The following DIP2A variants were observed in gnomAD, a reference collection of about 807,000 sequenced individuals.
The protein encoded by DIP2A is DIP2 acetate--CoA ligase A.
Under a neutral mutation model 177.4 loss-of-function variants are expected in DIP2A, and 85 were observed. That is an observed-to-expected ratio of 0.48 (90% CI 0.40 to 0.57). The LOEUF is 0.57. Ranked by LOEUF, DIP2A falls within the 20% of genes least tolerant of loss-of-function variation. DIP2A has a pLI of 0.00. For missense variants in DIP2A, 1,791 were observed against 2,100.2 expected (o/e 0.85, Z 2.88); for synonymous variants, 886 against 881.8 (o/e 1.00, Z -0.08).
At chr21:46,560,871 C>T (rs2060639875) in intron 33 of DIP2A, 88 bp downstream of exon 33, 16 of 1,527,782 alleles carry the variant, frequency 1.0e-5, no homozygotes, top group South Asian at 8.4e-5. Flanking sequence ...ACCCCCGGGA[C>T]CCAGGCATTA....
In DIP2A at chr21:46,532,309, T is replaced by G. The variant is rs906678486; in HGVS notation, c.1305+72T>G. On this transcript the variant is annotated intron_variant, in intron 10 of 37. Coordinates refer to ENST00000417564, the MANE Select transcript of DIP2A (RefSeq NM_015151.4). Reference sequence around the variant, plus strand: ...GATACCAGCAGTATCTTACTTCCTTTTCACTCATGTGGGCAGGCAGCAAGC... The same window carrying G: ...GATACCAGCAGTATCTTACTTCCTTGTCACTCATGTGGGCAGGCAGCAAGC... The G allele has an allele frequency of 4.0e-6, 5 of 1,256,168 alleles. No homozygotes were observed. The African/African-American group carries it at 7.4e-5, about 19-fold the overall frequency. 77.8% of individuals were successfully genotyped at this position (1,256,168 alleles called of 1,614,324 possible). A position where few individuals can be genotyped will look rare whatever the true frequency, so the allele number is the denominator to read the frequency against.
At chr21:46,558,163 C>A in intron 31 of DIP2A, 60 bp from the exon 32 acceptor site, 2 of 1,529,972 alleles carry the variant, frequency 1.3e-6, no homozygotes, top group Non-Finnish European at 1.8e-6. Context: ...AAAACAGTGC[C>A]CAGGGCCCTG....
Position 46,545,217 on chromosome 21 carries a change from A to G in DIP2A, c.2257A>G (p.Ser753Gly). 3 of 1,610,094 alleles carry G rather than the reference A, an allele frequency of 1.9e-6. No homozygotes were observed. Among genetic ancestry groups the G allele is most frequent in the Non-Finnish European group, 2.5e-6 (3 of 1,176,654 alleles). Residue 753 changes from serine to glycine, a missense_variant, in exon 19 of 38, where the codon AGT (serine) becomes GGT (glycine). Transcript: ENST00000417564. Reference sequence around the variant, plus strand: ...AGTGGGAGAAATATGCGTCAGTTCCAGTGCAACTGGCACAGCGTACTATGG... The same window carrying G: ...AGTGGGAGAAATATGCGTCAGTTCCGGTGCAACTGGCACAGCGTACTATGG... ...DEVGEICVSS[S>G]ATGTAYYGLL...
chr21:46,562,685 G>A (rs1487483113), intron 34 of DIP2A, among the ~76,000 whole-genome samples: 1 of 152,214 alleles, frequency 6.6e-6, no homozygotes, highest in Non-Finnish European at 1.5e-5. Flanking sequence ...CAGAAGGAGT[G>A]CGTGAGTGAG....
intron 21 of DIP2A, among the ~76,000 whole-genome samples, chr21:46,547,502 A>T (rs183477366): frequency 1.2e-4 from 19 of 152,290 alleles, no homozygotes; most frequent in African/African-American, 4.6e-4. Flanking sequence ...TTGAGCAAAT[A>T]ATAGACCTCT....
chr21:46,507,777 C>T lies in DIP2A; in HGVS notation c.785-1480C>T, dbSNP rs113869824. ...GTGCAGTGGCTTGATTTTGGCTCAC[C>T]GCAGCCTCTGCCTTCTGGTGTCAAG... On this transcript the variant is annotated intron_variant, in intron 6 of 37. Coordinates refer to ENST00000417564, the MANE Select transcript of DIP2A (RefSeq NM_015151.4). Among the ~76,000 whole-genome samples the T allele has an allele frequency of 1.7e-3, 248 of 145,924 alleles. 4 individuals are homozygous for T. The highest frequency in any genetic ancestry group is 5.9e-3 in the African/African-American group (233 of 39,480).
rs140821238 is a variant in DIP2A at position 46,512,553 on chromosome 21, T to C, written c.1102+939T>C. 3.3e-3 allele frequency among the ~76,000 whole-genome samples: 509 copies of C among 152,332 alleles called. 3 individuals carry two copies. The highest frequency in any genetic ancestry group is 3.1e-3 in the Non-Finnish European group (208 of 68,016). On this transcript the variant is annotated intron_variant, in intron 8 of 37. Transcript: ENST00000417564. ...TGACAAATTATGCTTTTCATATGCTTATTGGTTGTTTGAATATCCACATTT... is the reference window on the plus strand; with the variant it reads ...TGACAAATTATGCTTTTCATATGCTCATTGGTTGTTTGAATATCCACATTT...
At chr21:46,570,797 A>G (rs2060955239), downstream of DIP2A, among the ~76,000 whole-genome samples, 1 of 152,326 alleles carries the variant, frequency 6.6e-6, no homozygotes, top group South Asian at 2.1e-4. Flanking sequence ...AGGGAGAGAG[A>G]GAATACTTGA....
intron 3 of DIP2A, among the ~76,000 whole-genome samples, chr21:46,492,529 G>C (rs1446495983): frequency 3.3e-5 from 5 of 152,038 alleles, no homozygotes; most frequent in Admixed American, 2.6e-4. Flanking sequence ...CTGTGGGCTC[G>C]ATTATATCCT....
intron 8 of DIP2A, among the ~76,000 whole-genome samples, chr21:46,523,227 C>CTTAT (rs536264437): frequency 1.0e-3 from 150 of 149,122 alleles, no homozygotes; most frequent in African/African-American, 1.4e-3. Context: ...TGCCTAGCTT[C>CTTAT]TTATTTATTT....
intron 5 of DIP2A, among the ~76,000 whole-genome samples, chr21:46,500,362 TC>T (rs1388319500): frequency 2.6e-5 from 4 of 152,178 alleles, no homozygotes; most frequent in African/African-American, 4.8e-5. Context: ...TCCTGGGTGT[TC>T]CATGGCCAGA....
downstream of DIP2A, among the ~76,000 whole-genome samples, chr21:46,573,897 C>T (rs546133033): frequency 1.3e-5 from 2 of 151,964 alleles, no homozygotes; most frequent in Admixed American, 6.6e-5. Flanking sequence ...ATAGACAGTT[C>T]TATAATAATA....
chr21:46,519,209 C>T (rs2058712813), intron 8 of DIP2A, among the ~76,000 whole-genome samples: 1 of 152,152 alleles, frequency 6.6e-6, no homozygotes, highest in Admixed American at 6.5e-5. Context: ...ACTTACATTG[C>T]CATCTTCATT....
chr21:46,560,766 G>C lies in DIP2A; in HGVS notation c.4014G>C (p.Arg1338=). ...CCACAACCGTCTACGTGGACATGCG[G>C]GCACTGCGCCATGACAGGTAATGCT... ...PDPTTVYVDM[R]ALRHDRVRLV... is the part of the protein sequence containing the mutation. Residue 1338 remains arginine, a synonymous_variant, in exon 33 of 38, where the codon CGG becomes CGC. Coordinates refer to ENST00000417564, the MANE Select transcript of DIP2A (RefSeq NM_015151.4). 1 of 1,607,838 alleles carries C rather than the reference G, an allele frequency of 6.2e-7. No individual in the cohort carries two copies. Among genetic ancestry groups the C allele is most frequent in the Non-Finnish European group, 8.5e-7 (1 of 1,177,366 alleles).
downstream of DIP2A, among the ~76,000 whole-genome samples, chr21:46,570,564 T>C (rs1028785165): frequency 6.6e-5 from 10 of 152,248 alleles, no homozygotes; most frequent in Admixed American, 3.9e-4. Context: ...TGGTTCTATC[T>C]GTTTTGGTGC....
rs2058445514 is a variant in DIP2A, at chr21:46,514,258, C to A, written c.1102+2644C>A. Among the ~76,000 whole-genome samples the A allele has an allele frequency of 3.3e-5, 5 of 152,078 alleles. No homozygotes were observed. The South Asian group carries it at 1.0e-3, about 32-fold the overall frequency. On this transcript the variant is annotated intron_variant, in intron 8 of 37. Transcript: ENST00000417564. ...GACTTTCCTGGCTAACGCGGTGAAA[C>A]CCCGTCTCTACTAAAAAAAATACAA...
chr21:46,512,308 G>A (rs2058349338), intron 8 of DIP2A, among the ~76,000 whole-genome samples: 1 of 152,158 alleles, frequency 6.6e-6, no homozygotes, highest in Admixed American at 6.5e-5. Flanking sequence ...GAATATGTAG[G>A]CATTTGTGCT....
chr21:46,545,924 C>T lies in DIP2A; in HGVS notation c.2357C>T (p.Pro786Leu). The change falls in exon 20 of 38, where the codon CCA becomes CTA. Residue 786 changes from proline (P) to leucine (L), a missense_variant. Transcript: ENST00000417564. ...GGAGGAGCACCCATCTTTGACAGGC[C>T]ATTCACCAGGACAGGCCTGCTGGGC... is the stretch of plus-strand genomic sequence containing the variant. ...TTGGAPIFDRPFTRTGLLGFI... is the reference protein window; with the variant it reads ...TTGGAPIFDRLFTRTGLLGFI... 6.2e-7 allele frequency: 1 copy of T among 1,613,992 alleles called. No homozygotes were observed. Among genetic ancestry groups the T allele is most frequent in the South Asian group, 1.1e-5 (1 of 91,082 alleles).
At chr21:46,565,195 G>A (rs183920457) in intron 35 of DIP2A, among the ~76,000 whole-genome samples, 2 of 144,542 alleles carry the variant, frequency 1.4e-5, no homozygotes, top group East Asian at 2.0e-4. Context: ...ACACAAACAC[G>A]TGGACAGGTG....
Sources: allele counts gnomAD v4.1 joint callset (sites outside exome capture counted in the v4.1 genomes callset), GRCh38; gene constraint gnomAD v4.1.1; transcripts MANE v1.5; gene names NCBI Gene and HGNC (gene_info 2026-07-23, HGNC 2026-07-21).